The following PTPN3 variants were observed in gnomAD, a reference collection of about 807,000 sequenced individuals.
PTPN3 encodes tyrosine-protein phosphatase non-receptor type 3.
A neutral mutation model predicts 132.7 loss-of-function variants in PTPN3; 96 were observed. The observed-to-expected ratio is 0.72, with a 90% CI of 0.61 to 0.86. The LOEUF (loss-of-function observed/expected upper bound fraction) is 0.86, where lower values mean the gene tolerates loss of function less well. Ranked by LOEUF, PTPN3 falls within the 40% of genes least tolerant of loss-of-function variation. The pLI is 0.00. For synonymous variants in PTPN3, 398 were observed against 429.0 expected (o/e 0.93, Z 0.89); for missense variants, 1,125 against 1,159.6 (o/e 0.97, Z 0.43).
At chr9:109,491,131 G>A (rs1847442909) in intron 1 of PTPN3, among the ~76,000 whole-genome samples, 1 of 150,728 alleles carries the variant, frequency 6.6e-6, no homozygotes, top group South Asian at 2.1e-4. Flanking sequence ...AGGAGGCGGA[G>A]GTTGCAGTGA....
chr9:109,381,842 G>C (rs1839123939), intron 24 of PTPN3, 55 bp from the exon 25 acceptor site: 1 of 1,604,358 alleles, frequency 6.2e-7, no homozygotes. Flanking sequence ...CTTTCTGCAT[G>C]GCCCAGCGAG....
At chr9:109,486,956 T>G (rs7044937) in intron 1 of PTPN3, among the ~76,000 whole-genome samples, 43,878 of 152,102 alleles carry the variant, frequency 0.29, 6,750 homozygotes, top group Non-Finnish European at 0.32. Flanking sequence ...TGATTGTAAG[T>G]TTCCCAAGGC....
chr9:109,483,483 G>C (rs1287491646), intron 1 of PTPN3, among the ~76,000 whole-genome samples: 1 of 152,136 alleles, frequency 6.6e-6, no homozygotes, highest in Non-Finnish European at 1.5e-5. Context: ...AAATCAATCA[G>C]AGAGAGAGGG....
chr9:109,478,670 C>A (rs1008963916), intron 1 of PTPN3, among the ~76,000 whole-genome samples: 1 of 152,146 alleles, frequency 6.6e-6, no homozygotes, highest in South Asian at 2.1e-4. Context: ...TGATGATTTG[C>A]GCAAAATCGC....
chr9:109,505,753 C>T, the PTPN3 span, among the ~76,000 whole-genome samples: 1 of 143,564 alleles, frequency 7.0e-6, no homozygotes. Context: ...ACATCAACTT[C>T]TTTTTTTTTT....
At chr9:109,389,917 A>G (rs2131625378) in intron 21 of PTPN3, among the ~76,000 whole-genome samples, 1 of 152,340 alleles carries the variant, frequency 6.6e-6, no homozygotes, top group South Asian at 2.1e-4. Flanking sequence ...TGTTTCAGGT[A>G]GAAATATTCC....
At chr9:109,517,198 G>C in the PTPN3 span, among the ~76,000 whole-genome samples, 1 of 152,058 alleles carries the variant, frequency 6.6e-6, no homozygotes, top group Non-Finnish European at 1.5e-5. Context: ...ATGGACCTAA[G>C]AGTTATCCTA....
chr9:109,455,185 G>A (rs1845498418), intron 4 of PTPN3, among the ~76,000 whole-genome samples: 1 of 152,206 alleles, frequency 6.6e-6, no homozygotes, highest in Non-Finnish European at 1.5e-5. Context: ...AGTATATTAA[G>A]TTAGTATACT....
At chr9:109,381,811 C>T in intron 24 of PTPN3, 24 bp from the exon 25 acceptor site, 1 of 1,614,024 alleles carries the variant, frequency 6.2e-7, no homozygotes, top group Non-Finnish European at 8.5e-7. Flanking sequence ...AGAAGACAGA[C>T]TTGGGATTTG....
intron 16 of PTPN3, among the ~76,000 whole-genome samples, chr9:109,408,790 A>ATATATATATATATATATATAT (rs1293697190): frequency 1.7e-5 from 1 of 59,210 alleles, no homozygotes; most frequent in Non-Finnish European, 3.4e-5. Context: ...TTAAAAAAAA[A>ATATATATATATATATATATAT]AAAAAAATAT....
chr9:109,410,588 C>G (rs752727658), intron 14 of PTPN3, among the ~76,000 whole-genome samples, 173 bp from the exon 15 acceptor site: 5 of 152,150 alleles, frequency 3.3e-5, no homozygotes, highest in African/African-American at 9.7e-5. Flanking sequence ...CACCCCTGAC[C>G]GCATCTGGCC....
intron 17 of PTPN3, among the ~76,000 whole-genome samples, chr9:109,408,039 T>C (rs965507868): frequency 1.3e-5 from 2 of 152,154 alleles, no homozygotes; most frequent in Non-Finnish European, 2.9e-5. Flanking sequence ...CAAAATTGAA[T>C]GCACACTAAC....
chr9:109,519,740 G>A, the PTPN3 span, among the ~76,000 whole-genome samples: 2 of 123,108 alleles, frequency 1.6e-5, no homozygotes, highest in African/African-American at 6.4e-5. Context: ...GATGGAGCAA[G>A]TGCTCCTTGC....
chr9:109,485,852 A>G (rs1398564688), intron 1 of PTPN3, among the ~76,000 whole-genome samples: 1 of 152,220 alleles, frequency 6.6e-6, no homozygotes, highest in Non-Finnish European at 1.5e-5. Flanking sequence ...CCATACACCT[A>G]TTCACCTGGA....
intron 8 of PTPN3, 54 bp downstream of exon 8, chr9:109,438,060 G>A: frequency 6.4e-7 from 1 of 1,552,924 alleles, no homozygotes; most frequent in Non-Finnish European, 8.7e-7. Flanking sequence ...GGGATATGAT[G>A]TCTGAAAATA....
intron 10 of PTPN3, 46 bp downstream of exon 10, chr9:109,433,027 T>C: frequency 6.2e-7 from 1 of 1,604,160 alleles, no homozygotes; most frequent in Non-Finnish European, 8.5e-7. Flanking sequence ...GTTAGGCATA[T>C]TTTTAAAGCA....
At chr9:109,465,706 C>CAAAAAAAAAAAAAAAAAAAAAAAA (rs34634972) in intron 1 of PTPN3, among the ~76,000 whole-genome samples, 1 of 64,828 alleles carries the variant, frequency 1.5e-5, no homozygotes, top group Non-Finnish European at 2.8e-5. Context: ...AACTCTGTCT[C>CAAAAAAAAAAAAAAAAAAAAAAAA]AAAAAAAAAA....
chr9:109,461,028 G>A (rs1845822448), intron 2 of PTPN3, among the ~76,000 whole-genome samples: 1 of 152,192 alleles, frequency 6.6e-6, no homozygotes, highest in South Asian at 2.1e-4. Context: ...TAACAAAGAA[G>A]CCAGACACAT....
chr9:109,416,451 CT>C (rs1156941196), intron 14 of PTPN3, among the ~76,000 whole-genome samples: 2,675 of 132,396 alleles, frequency 0.02, 64 homozygotes, highest in African/African-American at 0.063. Context: ...TTTTTTGTTT[CT>C]TTTTTTTTTT....
Sources: allele counts gnomAD v4.1 joint callset (sites outside exome capture counted in the v4.1 genomes callset), GRCh38; gene constraint gnomAD v4.1.1; transcripts MANE v1.5; gene names NCBI Gene and HGNC (gene_info 2026-07-23, HGNC 2026-07-21).